The following KLF7 variants were observed in gnomAD, a reference collection of about 807,000 sequenced individuals.
KLF7 encodes the protein Krueppel-like factor 7.
Under a neutral mutation model 27.3 loss-of-function variants are expected in KLF7, and 2 were observed. That is an observed-to-expected ratio of 0.07 (90% CI 0.03 to 0.23). KLF7 has a LOEUF of 0.23. KLF7 is among the 10% of genes least tolerant of loss of function. The pLI is 1.00. For synonymous variants in KLF7, 165 were observed against 162.4 expected (o/e 1.02, Z -0.12); for missense variants, 221 against 394.1 (o/e 0.56, Z 3.72).
intron 2 of KLF7, among the ~76,000 whole-genome samples, chr2:207,104,213 C>T (rs2076829251): frequency 6.6e-6 from 1 of 152,218 alleles, no homozygotes; most frequent in Non-Finnish European, 1.5e-5. Flanking sequence ...CATCTCATAT[C>T]TCATCTGCTG....
rs148257815 is a variant in KLF7 at position 207,131,154 on chromosome 2, C to T, written c.103-6750G>A. 1.5e-3 allele frequency among the ~76,000 whole-genome samples: 230 copies of T among 152,308 alleles called. 2 individuals are homozygous for T. Among genetic ancestry groups the T allele is most frequent in the African/African-American group, 5.3e-3 (220 of 41,560 alleles). ...AGTCATGCTTCCTCTGAGATCAGAT[C>T]TGGATCTGAAGGATGATGATGATGG... is the stretch of plus-strand genomic sequence containing the variant. On this transcript the variant is annotated intron_variant, in intron 1 of 3. Coordinates refer to ENST00000309446, the MANE Select transcript of KLF7 (RefSeq NM_003709.4).
intron 1 of KLF7, among the ~76,000 whole-genome samples, chr2:207,146,763 C>T (rs1424313673): frequency 2.6e-5 from 4 of 152,128 alleles, no homozygotes; most frequent in Admixed American, 2.6e-4. Flanking sequence ...AAAGAGAAAA[C>T]AGTGCATGGC....
At chr2:207,134,074 G>C (rs1387689643) in intron 1 of KLF7, 7 of 1,534,976 alleles carry the variant, frequency 4.6e-6, no homozygotes, top group Non-Finnish European at 6.1e-6. Context: ...CACTGGCCAA[G>C]ACGGGAACAT....
intron 2 of KLF7, among the ~76,000 whole-genome samples, chr2:207,095,172 C>T (rs1010486670): frequency 2.6e-4 from 39 of 151,662 alleles, no homozygotes; most frequent in African/African-American, 8.0e-4. Flanking sequence ...TCCCAAGTAC[C>T]GAGTAGCTGG....
At chr2:207,149,895 A>G (rs771436785) in intron 1 of KLF7, among the ~76,000 whole-genome samples, 1 of 152,222 alleles carries the variant, frequency 6.6e-6, no homozygotes, top group Non-Finnish European at 1.5e-5. Flanking sequence ...GGAGGCTTCC[A>G]TGGACGTAGA....
upstream of KLF7, chr2:207,166,358 A>C: frequency 1.5e-5 from 3 of 197,756 alleles, no homozygotes; most frequent in African/African-American, 2.4e-5. Flanking sequence ...AGGGCTATAT[A>C]AGGGGGCTGA....
intron 2 of KLF7, among the ~76,000 whole-genome samples, chr2:207,105,700 C>T (rs2076867032): frequency 6.6e-6 from 1 of 152,162 alleles, no homozygotes; most frequent in Admixed American, 6.5e-5. Flanking sequence ...TCCTCTCATC[C>T]CTCTGCTACA....
intron 1 of KLF7, among the ~76,000 whole-genome samples, chr2:207,138,207 A>T (rs181585921): frequency 6.6e-6 from 1 of 152,378 alleles, no homozygotes; most frequent in East Asian, 1.9e-4. Context: ...CATGCAAAGG[A>T]GAAATCCCAG....
intron 2 of KLF7, among the ~76,000 whole-genome samples, chr2:207,119,689 A>G (rs1449959474): frequency 6.6e-6 from 1 of 152,074 alleles, no homozygotes; most frequent in East Asian, 1.9e-4. Flanking sequence ...TGAATAAACC[A>G]TATGTCCATT....
chr2:207,154,589 G>A (rs2078330735), intron 1 of KLF7, among the ~76,000 whole-genome samples: 1 of 152,118 alleles, frequency 6.6e-6, no homozygotes, highest in Non-Finnish European at 1.5e-5. Context: ...TGTCTCTTGG[G>A]CATTCCAGGC....
Position 207,151,723 on chromosome 2 carries a change from T to TACACAC in KLF7, c.102+13738_102+13743dup, listed in dbSNP as rs72289250. Among the ~76,000 whole-genome samples, 29 of 149,966 alleles carry TACACAC rather than the reference T, an allele frequency of 1.9e-4. 1 individual carries two copies. The East Asian group carries it at 3.0e-3, about 15-fold the overall frequency. ...AATAGTCATTGGTTTTGAAAAATTTTACACACACACACACACACACACACA... is the reference window on the plus strand; with the variant it reads ...AATAGTCATTGGTTTTGAAAAATTTTACACACACACACACACACACACACACACACA... On this transcript the variant is annotated intron_variant, in intron 1 of 3. Transcript: ENST00000309446.
intron 1 of KLF7, among the ~76,000 whole-genome samples, chr2:207,146,462 C>T (rs1472270339): frequency 6.6e-6 from 1 of 152,192 alleles, no homozygotes; most frequent in Non-Finnish European, 1.5e-5. Flanking sequence ...ACTGCTGCTT[C>T]CCGTCTTGCT....
upstream of KLF7, chr2:207,167,072 C>A (rs2037893): frequency 4.5e-6 from 6 of 1,318,966 alleles, no homozygotes; most frequent in Non-Finnish European, 5.9e-6. Flanking sequence ...TAGAGGGAGC[C>A]TAGGTAGACG....
At position 207,165,863 on chromosome 2, in the gene KLF7, G is replaced by C. The variant is rs2078693283; in HGVS notation, c.-295C>G. The stretch of plus-strand genomic sequence containing the variant: ...CCACGGGAGTAACAATTCCCTTCCA[G>C]GGCTCTAATCACTCCAGCTCGTGGA... On this transcript the variant is annotated 5_prime_UTR_variant, in exon 1 of 4. Coordinates refer to ENST00000309446, the MANE Select transcript of KLF7 (RefSeq NM_003709.4). 7.9e-7 allele frequency: 1 copy of C among 1,265,612 alleles called. No homozygotes were observed. Among genetic ancestry groups the C allele is most frequent in the Non-Finnish European group, 1.0e-6 (1 of 997,960 alleles). The allele number at this position is 1,265,612 out of a possible 1,614,324, so 78.4% of individuals were successfully genotyped here.
chr2:207,118,167 T>C (rs1278629270), intron 2 of KLF7, among the ~76,000 whole-genome samples: 2 of 152,354 alleles, frequency 1.3e-5, no homozygotes, highest in Non-Finnish European at 2.9e-5. Context: ...TTCTCCCATG[T>C]TGTGATAATA....
At chr2:207,109,400 A>C (rs574362271) in intron 2 of KLF7, among the ~76,000 whole-genome samples, 2 of 152,228 alleles carry the variant, frequency 1.3e-5, no homozygotes, top group Non-Finnish European at 2.9e-5. Flanking sequence ...CCCCCAAAAG[A>C]AATAACTGAT....
chr2:207,089,191 C>T (rs1001479774), intron 2 of KLF7, among the ~76,000 whole-genome samples: 1 of 152,174 alleles, frequency 6.6e-6, no homozygotes, highest in Non-Finnish European at 1.5e-5. Flanking sequence ...AATCACTTGA[C>T]AATCCCTGGC....
intron 1 of KLF7, among the ~76,000 whole-genome samples, chr2:207,160,082 G>A (rs1242342908): frequency 6.6e-6 from 1 of 152,174 alleles, no homozygotes; most frequent in Non-Finnish European, 1.5e-5. Flanking sequence ...ACAGAGAGGA[G>A]TGTTTTTTAA....
At chr2:207,163,855 T>C (rs1379032849) in intron 1 of KLF7, among the ~76,000 whole-genome samples, 1 of 152,166 alleles carries the variant, frequency 6.6e-6, no homozygotes, top group Non-Finnish European at 1.5e-5. Flanking sequence ...TAATTAGCAT[T>C]GGAAATAAAA....
Sources: gnomAD v4.1 joint callset for allele counts (sites outside exome capture counted in the v4.1 genomes callset) on GRCh38, gnomAD v4.1.1 for gene constraint, MANE v1.5 for transcripts, NCBI Gene and HGNC (gene_info 2026-07-23, HGNC 2026-07-21) for gene names.